ANK3: variants seen among roughly 807,000 people sequenced by gnomAD.
ANK3 encodes ankyrin-3.
In ANK3, 57 loss-of-function variants were observed where a neutral mutation model predicts 370.9. The observed-to-expected ratio is 0.15, with a 90% CI of 0.12 to 0.19. The LOEUF is 0.19. Ranked by LOEUF, ANK3 falls within the 10% of genes least tolerant of loss-of-function variation. The pLI, the probability that ANK3 is intolerant of heterozygous loss-of-function variation, is 1.00. For synonymous variants in ANK3, 1,929 were observed against 1,946.3 expected, an observed-to-expected ratio of 0.99 and a Z score of 0.23; for missense variants, 4,439 against 5,302.1, an observed-to-expected ratio of 0.84 and a Z score of 5.06.
chr10:60,594,491 A>C (rs529172745), intron 2 of ANK3, among the ~76,000 whole-genome samples: 1 of 152,324 alleles, frequency 6.6e-6, no homozygotes, highest in Non-Finnish European at 1.5e-5. Context: ...TTATTCTTTC[A>C]AAAATATATT....
At chr10:60,411,271 G>C (rs2063554808) in intron 2 of ANK3, among the ~76,000 whole-genome samples, 2 of 152,340 alleles carry the variant, frequency 1.3e-5, no homozygotes, top group East Asian at 3.9e-4. Flanking sequence ...TATGTTCGGG[G>C]TTCAGAGGTA....
chr10:60,692,557 T>C (rs1353611983), intron 1 of ANK3, among the ~76,000 whole-genome samples: 5 of 152,232 alleles, frequency 3.3e-5, no homozygotes, highest in African/African-American at 1.2e-4. Context: ...GTCTGCCCAA[T>C]TTACCAATAA....
At chr10:60,205,178 A>G (rs1369380276) in intron 11 of ANK3, among the ~76,000 whole-genome samples, 2 of 152,162 alleles carry the variant, frequency 1.3e-5, no homozygotes, top group African/African-American at 4.8e-5. Context: ...GGTTCCTATG[A>G]GAGAAACTTA....
chr10:60,444,249 G>T (rs138317063), intron 2 of ANK3, among the ~76,000 whole-genome samples: 51 of 151,926 alleles, frequency 3.4e-4, no homozygotes, highest in African/African-American at 1.2e-3. Flanking sequence ...ACCCCAGCTA[G>T]AGAGCAAAAC....
At position 60,073,052 on chromosome 10, in the gene ANK3, T is replaced by C; in HGVS notation, c.7829A>G (p.Glu2610Gly). 6.2e-7 allele frequency: 1 copy of C among 1,614,170 alleles called. No homozygotes were observed. The highest frequency in any genetic ancestry group is 8.5e-7 in the Non-Finnish European group (1 of 1,180,028). ...EKLNDELQSP[E>G]KKARPKNGKE... is the part of the protein sequence containing the mutation. ...GCCATTTTTAGGGCGTGCCTTTTTC[T>C]CTGGGGACTGCAGTTCATCATTTAG... The change falls in exon 37 of 44, where the codon GAG (glutamate) becomes GGG (glycine). Residue 2610 changes from glutamate to glycine, a missense_variant. Glu to Gly is a moderately conservative substitution (Grantham distance 98). This residue lies in a region of ANK3 where 1,601 missense variants were observed against 1,731.7 expected (regional missense o/e 0.92). Coordinates refer to ENST00000280772, the MANE Select transcript of ANK3 (RefSeq NM_020987.5).
intron 2 of ANK3, among the ~76,000 whole-genome samples, chr10:60,444,782 A>T (rs1260373560): frequency 1.3e-5 from 2 of 152,156 alleles, no homozygotes; most frequent in Non-Finnish European, 2.9e-5. Context: ...TTGAATTGTG[A>T]ATACATGGTA....
At chr10:60,241,973 AAATT>A (rs1312282591) in intron 7 of ANK3, among the ~76,000 whole-genome samples, 1 of 152,184 alleles carries the variant, frequency 6.6e-6, no homozygotes, top group East Asian at 1.9e-4. Context: ...CTAGGCCAAT[AAATT>A]AATTAAGTAC....
At chr10:60,520,148 G>A (rs988258259) in intron 2 of ANK3, among the ~76,000 whole-genome samples, 2 of 152,240 alleles carry the variant, frequency 1.3e-5, no homozygotes, top group South Asian at 2.1e-4. Context: ...GGATGCAGCT[G>A]AAGGCTGTTA....
At chr10:60,090,828 C>T (rs1461653689) in intron 28 of ANK3, among the ~76,000 whole-genome samples, 1 of 152,014 alleles carries the variant, frequency 6.6e-6, no homozygotes, top group African/African-American at 2.4e-5. Flanking sequence ...GTGTGAATGG[C>T]AATAATTTTT....
At chr10:60,419,777 A>G (rs1044275936) in intron 2 of ANK3, among the ~76,000 whole-genome samples, 2 of 152,168 alleles carry the variant, frequency 1.3e-5, no homozygotes, top group African/African-American at 4.8e-5. Flanking sequence ...AGGTGAGGCC[A>G]CACTTTCACA....
chr10:60,215,463 G>A (rs2096922654), intron 8 of ANK3, among the ~76,000 whole-genome samples: 1 of 152,064 alleles, frequency 6.6e-6, no homozygotes, highest in African/African-American at 2.4e-5. Context: ...TATTGCCTAG[G>A]TTTTCTTCTA....
chr10:60,477,047 C>T (rs1050304875), intron 2 of ANK3, among the ~76,000 whole-genome samples: 1 of 152,088 alleles, frequency 6.6e-6, no homozygotes, highest in Non-Finnish European at 1.5e-5. Context: ...AAGGTCACTT[C>T]TATTCTTAAG....
intron 23 of ANK3, among the ~76,000 whole-genome samples, chr10:60,154,753 C>A (rs146994285): frequency 0.012 from 1,843 of 152,266 alleles, 43 homozygotes; most frequent in African/African-American, 0.042. Context: ...CGAGATCATG[C>A]CACTGCACTC....
intron 2 of ANK3, among the ~76,000 whole-genome samples, chr10:60,432,042 G>A (rs1168651137): frequency 6.6e-6 from 1 of 152,116 alleles, no homozygotes; most frequent in Admixed American, 6.5e-5. Flanking sequence ...CTGAAGAGGT[G>A]ATCAATAAAC....
At chr10:60,261,530 A>C (rs2097804432) in intron 7 of ANK3, among the ~76,000 whole-genome samples, 1 of 152,204 alleles carries the variant, frequency 6.6e-6, no homozygotes, top group Non-Finnish European at 1.5e-5. Context: ...CCATCTGACC[A>C]ATTTCTAAGG....
chr10:60,425,820 A>T (rs1027216874), intron 2 of ANK3, among the ~76,000 whole-genome samples: 12 of 152,128 alleles, frequency 7.9e-5, no homozygotes, highest in Non-Finnish European at 1.3e-4. Context: ...ACCAAGGGGT[A>T]AGAAGAGGAA....
Position 60,064,239 on chromosome 10 carries a change from A to G in ANK3, c.12369T>C (p.Arg4123=). 1 of 1,582,848 alleles carries G rather than the reference A, an allele frequency of 6.3e-7. No individual in the cohort carries two copies. Among genetic ancestry groups the G allele is most frequent in the Non-Finnish European group, 8.5e-7 (1 of 1,170,894 alleles). Residue 4123 remains arginine (R), a synonymous_variant, in exon 39 of 44, where the codon CGT becomes CGC. Transcript: ENST00000280772. The stretch of plus-strand genomic sequence containing the variant: ...AAATTAAAGAATTTGGATTTTCCAC[A>G]CGTATTTGATTGATTTCATCCACTG... ...NFSVDEINQI[R]VENPNSLISQ... is the part of the protein sequence containing the mutation.
Position 60,327,144 on chromosome 10 carries a change from T to C in ANK3, c.115-47505A>G, listed in dbSNP as rs151054906. On this transcript the variant is annotated intron_variant, in intron 1 of 43. Coordinates refer to ENST00000280772, the MANE Select transcript of ANK3 (RefSeq NM_020987.5). The stretch of plus-strand genomic sequence containing the variant: ...GAAGGCATAAAAGGAAGAGCCAGAC[T>C]GATTGATTCAAGTGTGGCATCAATG... 6.1e-3 allele frequency among the ~76,000 whole-genome samples: 924 copies of C among 152,320 alleles called. 11 individuals carry two copies. Among genetic ancestry groups the C allele is most frequent in the African/African-American group, 0.021 (893 of 41,560 alleles).
rs146995728 is a variant in ANK3 at position 60,232,965 on chromosome 10, A to G, written c.897+1723T>C. On this transcript the variant is annotated intron_variant, in intron 8 of 43. Transcript: ENST00000280772. ...TCATGGAATCAGAATTTTTAGAAGA[A>G]GGAAGCACAGGATTGCAGGAGTTGC... is the stretch of plus-strand genomic sequence containing the variant. Among the ~76,000 whole-genome samples, 468 of 152,356 alleles carry G rather than the reference A, an allele frequency of 3.1e-3. 2 individuals carry two copies. The highest frequency in any genetic ancestry group is 0.011 in the African/African-American group (451 of 41,578).
Sources: gnomAD v4.1 joint callset for allele counts (sites outside exome capture counted in the v4.1 genomes callset) on GRCh38, gnomAD v4.1.1 for gene constraint, gnomAD v4.1.1 regional missense constraint, MANE v1.5 for transcripts, NCBI Gene and HGNC (gene_info 2026-07-23, HGNC 2026-07-21) for gene names.